ROBO4: variants seen among roughly 807,000 people sequenced by gnomAD.
The protein encoded by ROBO4 is roundabout homolog 4.
Under a neutral mutation model 103.3 loss-of-function variants are expected in ROBO4, and 80 were observed. The ratio of observed to expected loss-of-function variants is 0.77; its 90% CI spans 0.65 to 0.93. ROBO4 has a LOEUF of 0.93. Among genes scored for constraint, ROBO4 ranks in the 40% least tolerant of loss-of-function variants. ROBO4 has a pLI of 0.00. For synonymous variants in ROBO4, 504 were observed against 529.7 expected (o/e 0.95, Z 0.67); for missense variants, 1,333 against 1,305.3 (o/e 1.02, Z -0.33).
intron 12 of ROBO4, among the ~76,000 whole-genome samples, chr11:124,888,588 T>C (rs1026235027): frequency 5.3e-5 from 8 of 152,206 alleles, no homozygotes; most frequent in African/African-American, 1.9e-4. Context: ...AAAGAGTGAA[T>C]GCATGGGTGA....
intron 16 of ROBO4, among the ~76,000 whole-genome samples, 180 bp from the exon 17 acceptor site, chr11:124,885,427 T>C (rs545475598): frequency 6.6e-6 from 1 of 152,272 alleles, no homozygotes; most frequent in South Asian, 2.1e-4. Flanking sequence ...TTTGTTTCTT[T>C]AGGGAGAAGT....
chr11:124,897,595 C>G (rs557595908), intron 1 of ROBO4, 131 bp downstream of exon 1: 3 of 730,958 alleles, frequency 4.1e-6, no homozygotes, highest in Non-Finnish European at 2.4e-6. Context: ...TACACACACT[C>G]ATCATCATCA....
chr11:124,886,714 C>A lies in ROBO4; in HGVS notation c.2544G>T (p.Gly848=), dbSNP rs753092665. The part of the protein sequence containing the change: ...EFTDMGRTGG[G]VGPKGGVLLC... ...GCAAGACTCCCCCCTTGGGCCCCAC[C>A]CCTCCTCCAGTCCTGCCCATGTCCG... The change falls in exon 16 of 18, where the codon GGG becomes GGT. Residue 848 remains glycine (G), a synonymous_variant. Coordinates refer to ENST00000306534, the MANE Select transcript of ROBO4 (RefSeq NM_019055.6). 6 of 1,606,460 alleles carry A rather than the reference C, an allele frequency of 3.7e-6. No homozygotes were observed. Among genetic ancestry groups the A allele is most frequent in the Non-Finnish European group, 4.3e-6 (5 of 1,174,700 alleles).
At chr11:124,890,906 A>G (rs1347549185) in intron 12 of ROBO4, among the ~76,000 whole-genome samples, 1 of 152,228 alleles carries the variant, frequency 6.6e-6, no homozygotes, top group African/African-American at 2.4e-5. Context: ...AGGCTCTAGC[A>G]TTACTTGTTT....
chr11:124,887,806 C>T lies in ROBO4; in HGVS notation c.1983G>A (p.Arg661=). Reference sequence around the variant, plus strand: ...CCCGGAGCTCCAAGGAGTGGCTGCCCCGGAGCAGTGGGGAACTGTTGGCAT... The same window carrying T: ...CCCGGAGCTCCAAGGAGTGGCTGCCTCGGAGCAGTGGGGAACTGTTGGCAT... ...LQHANSSPLL[R]GSHSLELRAC... is the part of the protein sequence containing the mutation. The change falls in exon 13 of 18, where the codon CGG becomes CGA. Residue 661 remains arginine, a synonymous_variant. Coordinates refer to ENST00000306534, the MANE Select transcript of ROBO4 (RefSeq NM_019055.6). 4 of 1,614,018 alleles carry T rather than the reference C, an allele frequency of 2.5e-6. No individual in the cohort carries two copies. The highest frequency in any genetic ancestry group is 3.4e-6 in the Non-Finnish European group (4 of 1,179,958).
Position 124,884,929 on chromosome 11 carries a change from G to GTTATCTCCCTTGCTCC in ROBO4, c.3002-32_3002-17dup. ...ACAGGAGAAGCTGAAGGACAGTGGA[G>GTTATCTCCCTTGCTCC]TTATCTCCCTTGCTCCTTATCTCCC... On this transcript the variant is annotated splice_polypyrimidine_tract_variant and intron_variant, in intron 17 of 17. Coordinates refer to ENST00000306534, the MANE Select transcript of ROBO4 (RefSeq NM_019055.6). The GTTATCTCCCTTGCTCC allele has an allele frequency of 6.2e-7, 1 of 1,614,176 alleles. No individual in the cohort carries two copies. The highest frequency in any genetic ancestry group is 1.1e-5 in the South Asian group (1 of 91,080).
intron 12 of ROBO4, among the ~76,000 whole-genome samples, chr11:124,890,795 G>T (rs552737249): frequency 1.3e-5 from 2 of 152,386 alleles, no homozygotes; most frequent in Admixed American, 6.5e-5. Flanking sequence ...TCTCTGAGAA[G>T]TGAGTTGGGA....
chr11:124,897,202 G>A lies in ROBO4; in HGVS notation c.130C>T (p.Gln44Ter). 6.7e-7 allele frequency: 1 copy of A among 1,502,336 alleles called. No homozygotes were observed. The highest frequency in any genetic ancestry group is 1.4e-5 in the South Asian group (1 of 73,120). The allele number at this position is 1,502,336 out of a possible 1,614,324, so 93.1% of individuals were successfully genotyped here. A position where few individuals can be genotyped will look rare whatever the true frequency, so the allele number is the denominator to read the frequency against. Residue 44 changes from glutamine to a stop codon, truncating the protein, a stop_gained, in exon 2 of 18, where the codon CAG (glutamine) becomes TAG (stop). Transcript: ENST00000306534. LOFTEE classifies it high-confidence loss of function. ...ILVHPQDQLF[Q>*]GPGPARMSCQ... is the part of the protein sequence containing the mutation. ...CTCATCCTGGCAGGGCCAGGGCCCTGGAACAGCTGGTCCTGGGGGTGGACT... is the reference window on the plus strand; with the variant it reads ...CTCATCCTGGCAGGGCCAGGGCCCTAGAACAGCTGGTCCTGGGGGTGGACT...
chr11:124,890,544 T>C (rs1217799220), intron 12 of ROBO4, among the ~76,000 whole-genome samples: 2 of 152,244 alleles, frequency 1.3e-5, no homozygotes, highest in African/African-American at 2.4e-5. Context: ...CTGCAGCTAA[T>C]TACTTGCAGA....
chr11:124,891,825 T>G (rs1591533670), intron 10 of ROBO4, 23 bp from the exon 11 acceptor site: 1 of 1,612,998 alleles, frequency 6.2e-7, no homozygotes, highest in South Asian at 1.1e-5. Context: ...AGGGAGGGGG[T>G]GAGGCCAGGA....
chr11:124,888,593 G>T (rs554048385), intron 12 of ROBO4, among the ~76,000 whole-genome samples: 1 of 152,332 alleles, frequency 6.6e-6, no homozygotes, highest in African/African-American at 2.4e-5. Flanking sequence ...GTGAATGCAT[G>T]GGTGATATCA....
chr11:124,896,746 T>C (rs1946899662), intron 2 of ROBO4, 76 bp from the exon 3 acceptor site: 1 of 1,539,630 alleles, frequency 6.5e-7, no homozygotes, highest in Admixed American at 2.0e-5. Flanking sequence ...TGCCCCCTTC[T>C]GCTTTGCCCA....
chr11:124,895,032 G>T, intron 7 of ROBO4, 49 bp downstream of exon 7: 1 of 1,350,424 alleles, frequency 7.4e-7, no homozygotes, highest in Non-Finnish European at 1.1e-6. Context: ...CCAGAGAAAA[G>T]AGATGTCCTG....
chr11:124,892,875 T>C (rs1017200191), intron 10 of ROBO4: 1 of 152,574 alleles, frequency 6.6e-6, no homozygotes, highest in Admixed American at 6.5e-5. Context: ...AAGAAGCCAG[T>C]GAGCTCAGAA....
rs374309209 is a variant in ROBO4, at chr11:124,896,499, G to T, written c.558+14C>A. 1.1e-5 allele frequency: 17 copies of T among 1,612,138 alleles called. No individual in the cohort carries two copies. The highest frequency in any genetic ancestry group is 1.1e-5 in the Non-Finnish European group (13 of 1,178,906). ...CAGGCCAGGATGAAGTGTGGGGGAGGGGGCCACACTTACTGTGTGCCTTCC... is the reference window on the plus strand; with the variant it reads ...CAGGCCAGGATGAAGTGTGGGGGAGTGGGCCACACTTACTGTGTGCCTTCC... On this transcript the variant is annotated intron_variant, in intron 3 of 17. Coordinates refer to ENST00000306534, the MANE Select transcript of ROBO4 (RefSeq NM_019055.6).
At chr11:124,884,974 C>T in intron 17 of ROBO4, 61 bp from the exon 18 acceptor site, 1 of 1,612,524 alleles carries the variant, frequency 6.2e-7, no homozygotes, top group Non-Finnish European at 8.5e-7. Flanking sequence ...GCCAGGCTTC[C>T]TCCTGGCTTC....
intron 6 of ROBO4, 34 bp downstream of exon 6, chr11:124,895,423 A>G (rs756525867): frequency 6.3e-7 from 1 of 1,578,546 alleles, no homozygotes; most frequent in Non-Finnish European, 8.6e-7. Context: ...GCCAGAGGGG[A>G]TATTGTTGGC....
Position 124,895,075 on chromosome 11 carries a change from G to T in ROBO4, c.1149+6C>A. The T allele has an allele frequency of 6.2e-7, 1 of 1,601,718 alleles. No homozygotes were observed. Among genetic ancestry groups the T allele is most frequent in the South Asian group, 1.1e-5 (1 of 90,818 alleles). On this transcript the variant is annotated splice_donor_region_variant and intron_variant, in intron 7 of 17. Transcript: ENST00000306534. The stretch of plus-strand genomic sequence containing the variant: ...TAGGAAGGGCTATGACAGCTAGTGG[G>T]GGTACCTGGTAGCCACGGATGATGC...
At chr11:124,887,525 G>A in intron 13 of ROBO4, 26 bp from the exon 14 acceptor site, 1 of 1,612,840 alleles carries the variant, frequency 6.2e-7, no homozygotes, top group Non-Finnish European at 8.5e-7. Flanking sequence ...CTGGGTGTGA[G>A]AACAGTGGCA....
Sources: gnomAD v4.1 joint callset for allele counts (sites outside exome capture counted in the v4.1 genomes callset) on GRCh38, gnomAD v4.1.1 for gene constraint, MANE v1.5 for transcripts, NCBI Gene and HGNC (gene_info 2026-07-23, HGNC 2026-07-21) for gene names.